LIMA1: variants seen among roughly 807,000 people sequenced by gnomAD.
LIMA1 encodes LIM domain and actin binding 1.
Under a neutral mutation model 62.6 loss-of-function variants are expected in LIMA1, and 52 were observed. The ratio of observed to expected loss-of-function variants is 0.83; its 90% CI spans 0.67 to 1.05. The LOEUF (loss-of-function observed/expected upper bound fraction) is 1.05, where lower values mean the gene tolerates loss of function less well. Ranked by LOEUF, LIMA1 falls within the 50% of genes least tolerant of loss-of-function variation. The pLI, the probability that LIMA1 is intolerant of heterozygous loss-of-function variation, is 0.00. For synonymous variants in LIMA1, 302 were observed against 317.8 expected, an observed-to-expected ratio of 0.95 and a Z score of 0.53; for missense variants, 780 against 902.2, an observed-to-expected ratio of 0.86 and a Z score of 1.74.
intron 1 of LIMA1, among the ~76,000 whole-genome samples, chr12:50,270,065 T>C (rs1942187725): frequency 6.7e-6 from 1 of 149,662 alleles, no homozygotes; most frequent in African/African-American, 2.5e-5. Context: ...AGAAACCCCG[T>C]CTCTACTAAA....
At chr12:50,203,136 A>G (rs1432369997) in intron 6 of LIMA1, among the ~76,000 whole-genome samples, 1 of 148,912 alleles carries the variant, frequency 6.7e-6, no homozygotes, top group Non-Finnish European at 1.5e-5. Context: ...CAGCCTCCCT[A>G]GTAGCTGGGA....
intron 10 of LIMA1, among the ~76,000 whole-genome samples, chr12:50,179,833 AG>A (rs1043305717): frequency 1.3e-5 from 2 of 151,496 alleles, no homozygotes; most frequent in Admixed American, 6.6e-5. Context: ...CTTGACCTCC[AG>A]GGCTCAAGTG....
intron 1 of LIMA1, among the ~76,000 whole-genome samples, chr12:50,267,445 G>A (rs553894937): frequency 6.6e-6 from 1 of 151,648 alleles, no homozygotes; most frequent in Non-Finnish European, 1.5e-5. Flanking sequence ...TCGAACTTCT[G>A]ACCTCAGATG....
At chr12:50,263,859 A>ATATATATATATATATATAGAGAGAGAG (rs1942105747) in intron 1 of LIMA1, among the ~76,000 whole-genome samples, 1 of 74,884 alleles carries the variant, frequency 1.3e-5, no homozygotes, top group Admixed American at 1.4e-4. Context: ...TATAGAGAGT[A>ATATATATATATATATATAGAGAGAGAG]TATATATATA....
At chr12:50,205,889 C>A in intron 5 of LIMA1, 95 bp downstream of exon 5, 2 of 756,474 alleles carry the variant, frequency 2.6e-6, no homozygotes, top group South Asian at 2.4e-5. Context: ...ATTTGTGCCA[C>A]TCTTCCTTTA....
At chr12:50,246,827 A>G (rs1216083111) in intron 2 of LIMA1, among the ~76,000 whole-genome samples, 1 of 152,122 alleles carries the variant, frequency 6.6e-6, no homozygotes, top group Admixed American at 6.6e-5. Context: ...TTCCACTTCA[A>G]GCTCACTGCT....
At chr12:50,232,081 A>C (rs1592540611) in intron 2 of LIMA1, among the ~76,000 whole-genome samples, 4 of 107,378 alleles carry the variant, frequency 3.7e-5, no homozygotes, top group Admixed American at 1.3e-4. Flanking sequence ...ATAGGGTCTC[A>C]CTCTGTTGCT....
chr12:50,229,012 G>A (rs1194725435), intron 3 of LIMA1, among the ~76,000 whole-genome samples: 3 of 152,170 alleles, frequency 2.0e-5, no homozygotes, highest in African/African-American at 7.2e-5. Flanking sequence ...ACAAGCCACT[G>A]TGGCAGAGCC....
intron 6 of LIMA1, chr12:50,204,336 T>A: frequency 2.3e-6 from 1 of 433,294 alleles, no homozygotes; most frequent in East Asian, 3.4e-5. Flanking sequence ...ACAAAAAAAG[T>A]GAGTGGGGTG....
rs55904917 is a variant in LIMA1, at chr12:50,214,051, C to CACACACACACACACAT, written c.630+7969_630+7970insATGTGTGTGTGTGTGT. 9.4e-3 allele frequency among the ~76,000 whole-genome samples: 1,409 copies of CACACACACACACACAT among 149,894 alleles called. 6 individuals are homozygous for CACACACACACACACAT. The highest frequency in any genetic ancestry group is 0.026 in the South Asian group (120 of 4,668). On this transcript the variant is annotated intron_variant, in intron 4 of 10. Coordinates refer to ENST00000341247, the MANE Select transcript of LIMA1 (RefSeq NM_016357.5). Reference sequence around the variant, plus strand: ...ACACACACACACACACACACACACACGAGATTACTCAGAGTTATTAAGAGT... The same window carrying CACACACACACACACAT: ...ACACACACACACACACACACACACACACACACACACACACATGAGATTACTCAGAGTTATTAAGAGT...
chr12:50,251,401 A>C (rs1002982074), intron 1 of LIMA1, among the ~76,000 whole-genome samples: 44 of 152,104 alleles, frequency 2.9e-4, no homozygotes, highest in African/African-American at 9.7e-4. Flanking sequence ...CAGGCAGATC[A>C]CTTGAGGTCA....
intron 4 of LIMA1, among the ~76,000 whole-genome samples, chr12:50,211,026 G>A (rs1037219808): frequency 1.3e-5 from 2 of 152,020 alleles, no homozygotes; most frequent in South Asian, 4.1e-4. Flanking sequence ...CAAACATTAA[G>A]AATAACAAGG....
At chr12:50,244,503 T>C (rs1467407352) in intron 2 of LIMA1, among the ~76,000 whole-genome samples, 1 of 152,090 alleles carries the variant, frequency 6.6e-6, no homozygotes. Flanking sequence ...CCTCCCAAAG[T>C]GCTGAGATTA....
At position 50,283,455 on chromosome 12, in the gene LIMA1, AG is replaced by A. The variant is rs2138726951; in HGVS notation, c.-60del. On this transcript the variant is annotated 5_prime_UTR_variant, in exon 1 of 11. Coordinates refer to ENST00000341247, the MANE Select transcript of LIMA1 (RefSeq NM_016357.5). ...GCCGCCTTTCCTCTGCGCTGCTACC[AG>A]CCCTGTCACAGGTCCCGGCGCTCTA... 6.6e-6 allele frequency: 1 copy of A among 152,398 alleles called. No homozygotes were observed. The highest frequency in any genetic ancestry group is 2.1e-4 in the South Asian group (1 of 4,830). 9.4% of individuals were successfully genotyped at this position (152,398 alleles called of 1,614,324 possible). A position where few individuals can be genotyped will look rare whatever the true frequency, so the allele number is the denominator to read the frequency against.
intron 9 of LIMA1, chr12:50,185,486 G>A (rs1565828484): frequency 2.2e-6 from 1 of 456,106 alleles, no homozygotes; most frequent in Non-Finnish European, 4.4e-6. Context: ...TGAATACACA[G>A]CATTTGGCGT....
intron 1 of LIMA1, among the ~76,000 whole-genome samples, chr12:50,251,133 C>T (rs1243635225): frequency 6.6e-6 from 1 of 152,142 alleles, no homozygotes; most frequent in East Asian, 1.9e-4. Flanking sequence ...AAGCAACAAA[C>T]ATTTCAGCTA....
At position 50,178,060 on chromosome 12, in the gene LIMA1, T is replaced by C; in HGVS notation, c.1284A>G (p.Thr428=). The C allele has an allele frequency of 2.0e-6, 3 of 1,525,858 alleles. No individual in the cohort carries two copies. Among genetic ancestry groups the C allele is most frequent in the Non-Finnish European group, 2.6e-6 (3 of 1,141,482 alleles). 94.5% of individuals were successfully genotyped at this position (1,525,858 alleles called of 1,614,324 possible). Residue 428 remains threonine (T), a synonymous_variant, in exon 11 of 11, where the codon ACA becomes ACG. Transcript: ENST00000341247. ...AGATTCTTCCATGTAAAGATGCATA[T>C]GTTCCTAGACTGTCATTAAAAGAAA... is the stretch of plus-strand genomic sequence containing the variant. ...SYCNNKLSLG[T]YASLHGRIYC... is the part of the protein sequence containing the mutation.
chr12:50,226,678 C>A (rs1319956898), intron 3 of LIMA1, among the ~76,000 whole-genome samples: 1 of 151,910 alleles, frequency 6.6e-6, no homozygotes, highest in African/African-American at 2.4e-5. Context: ...GTCTCTACTA[C>A]AAATACAAAA....
chr12:50,191,493 T>G (rs978261133), intron 9 of LIMA1: 6 of 151,208 alleles, frequency 4.0e-5, no homozygotes, highest in African/African-American at 1.5e-4. Flanking sequence ...ACCACCATAC[T>G]CCAGCCTGAG....
Sources: allele counts gnomAD v4.1 joint callset (sites outside exome capture counted in the v4.1 genomes callset), GRCh38; gene constraint gnomAD v4.1.1; transcripts MANE v1.5; gene names NCBI Gene and HGNC (gene_info 2026-07-23, HGNC 2026-07-21).